Variants in SYNRG observed in about 807,000 individuals in gnomAD.
SYNRG encodes synergin gamma.
SYNRG carries 37 observed loss-of-function variants against 130.9 expected under a neutral mutation model. The ratio of observed to expected loss-of-function variants is 0.28; its 90% CI spans 0.22 to 0.37. The LOEUF (loss-of-function observed/expected upper bound fraction) is 0.37, where lower values mean the gene tolerates loss of function less well. SYNRG is among the 10% of genes least tolerant of loss of function. The pLI is 1.00. For missense variants in SYNRG, 1,338 were observed against 1,588.9 expected (o/e 0.84, Z 2.68); for synonymous variants, 539 against 568.1 (o/e 0.95, Z 0.73).
chr17:37,543,887 T>C (rs1047327847), intron 14 of SYNRG, among the ~76,000 whole-genome samples: 4 of 152,256 alleles, frequency 2.6e-5, no homozygotes, highest in African/African-American at 9.6e-5. Context: ...TCACTGTACA[T>C]GAGGCAAGAA....
chr17:37,540,762 G>GTCAGC, intron 15 of SYNRG: 1 of 734,994 alleles, frequency 1.4e-6, no homozygotes, highest in African/African-American at 1.8e-5. Context: ...AGCCTCCTGA[G>GTCAGC]TAGCTGGGAC....
At chr17:37,601,606 C>A (rs2063291400) in intron 1 of SYNRG, among the ~76,000 whole-genome samples, 1 of 152,166 alleles carries the variant, frequency 6.6e-6, no homozygotes, top group African/African-American at 2.4e-5. Flanking sequence ...AACAATAAGT[C>A]CTCATTTTAG....
At chr17:37,568,729 A>G (rs1180193169) in intron 11 of SYNRG, 62 bp downstream of exon 11, 2 of 1,572,008 alleles carry the variant, frequency 1.3e-6, no homozygotes, top group Non-Finnish European at 1.7e-6. Flanking sequence ...TAGCCTTCCT[A>G]TTATGGATGC....
intron 14 of SYNRG, among the ~76,000 whole-genome samples, chr17:37,543,435 G>T (rs2057962186): frequency 6.6e-6 from 1 of 152,170 alleles, no homozygotes; most frequent in Non-Finnish European, 1.5e-5. Flanking sequence ...ACAGCATAAA[G>T]AATGTAGGTT....
At chr17:37,606,092 G>A in intron 1 of SYNRG, 1 of 864,204 alleles carries the variant, frequency 1.2e-6, no homozygotes, top group Non-Finnish European at 1.4e-6. Flanking sequence ...AATTTCCTTA[G>A]TTTAAACTCA....
intron 6 of SYNRG, among the ~76,000 whole-genome samples, chr17:37,581,257 A>ATTT (rs1305930043): frequency 6.7e-6 from 1 of 149,840 alleles, no homozygotes; most frequent in East Asian, 2.1e-4. Context: ...GCTTCTTCAC[A>ATTT]TTTATTATTA....
intron 11 of SYNRG, among the ~76,000 whole-genome samples, chr17:37,565,902 G>A (rs1365566918): frequency 4.8e-5 from 7 of 147,032 alleles, no homozygotes; most frequent in African/African-American, 1.3e-4. Flanking sequence ...CACCCCGTCC[G>A]GGAGGGAGGT....
intron 14 of SYNRG, among the ~76,000 whole-genome samples, chr17:37,548,278 A>ATCTCTTTCTT (rs2058436797): frequency 6.6e-6 from 1 of 152,222 alleles, no homozygotes; most frequent in South Asian, 2.1e-4. Context: ...CTACACTAAG[A>ATCTCTTTCTT]TCTCTTTCTT....
intron 19 of SYNRG, among the ~76,000 whole-genome samples, chr17:37,530,678 A>C (rs2056536823): frequency 6.6e-6 from 1 of 152,228 alleles, no homozygotes; most frequent in Admixed American, 6.5e-5. Context: ...GAAGACTCTC[A>C]TTCAGACCCC....
intron 19 of SYNRG, among the ~76,000 whole-genome samples, chr17:37,532,883 C>T (rs1196715954): frequency 6.6e-6 from 1 of 152,124 alleles, no homozygotes; most frequent in South Asian, 2.1e-4. Flanking sequence ...TGCACTACTA[C>T]ACCTCCTAGT....
At chr17:37,592,443 C>T (rs1040371564) in intron 3 of SYNRG, among the ~76,000 whole-genome samples, 3 of 152,136 alleles carry the variant, frequency 2.0e-5, no homozygotes, top group African/African-American at 7.2e-5. Flanking sequence ...CACTCTTGGG[C>T]GTTTATCCCA....
chr17:37,525,922 C>T (rs558872072), intron 19 of SYNRG, among the ~76,000 whole-genome samples: 4 of 152,276 alleles, frequency 2.6e-5, no homozygotes, highest in South Asian at 2.1e-4. Context: ...GCCAAGATCG[C>T]GCCATTGCAC....
At chr17:37,540,021 G>A (rs2057596280) in intron 16 of SYNRG, among the ~76,000 whole-genome samples, 3 of 152,178 alleles carry the variant, frequency 2.0e-5, no homozygotes, top group Admixed American at 2.0e-4. Flanking sequence ...CTAAGATGCA[G>A]CAGACAGAAA....
At chr17:37,539,109 T>G in intron 17 of SYNRG, 83 bp downstream of exon 17, 1 of 1,589,320 alleles carries the variant, frequency 6.3e-7, no homozygotes, top group Non-Finnish European at 8.6e-7. Context: ...GAAGTTTGCC[T>G]CTGTCAATTC....
chr17:37,540,721 G>A (rs1027343305), intron 15 of SYNRG, 178 bp from the exon 16 acceptor site: 11 of 756,586 alleles, frequency 1.5e-5, no homozygotes, highest in African/African-American at 6.1e-5. Flanking sequence ...TGCAACCTCC[G>A]CCTCCTGGGT....
rs1317128570 is a variant in SYNRG at position 37,572,003 on chromosome 17, C to T, written c.902-16G>A. 6.3e-7 allele frequency: 1 copy of T among 1,593,392 alleles called. No homozygotes were observed. The highest frequency in any genetic ancestry group is 8.6e-7 in the Non-Finnish European group (1 of 1,168,082). On this transcript the variant is annotated splice_polypyrimidine_tract_variant and intron_variant, in intron 8 of 21. Transcript: ENST00000612223. ...TTATAGGCATCTATTAAAGGAAAGA[C>T]CAGATTACAAATGGAAACACATTCC...
chr17:37,537,559 G>A (rs901549892), intron 18 of SYNRG: 2 of 152,328 alleles, frequency 1.3e-5, no homozygotes, highest in Non-Finnish European at 2.9e-5. Context: ...GCGCCTGGGA[G>A]GTGGACGCTG....
At chr17:37,590,925 G>A (rs931362284) in intron 3 of SYNRG, among the ~76,000 whole-genome samples, 12 of 152,162 alleles carry the variant, frequency 7.9e-5, no homozygotes, top group South Asian at 2.1e-4. Flanking sequence ...AAATACATAC[G>A]AGAACTATAA....
intron 8 of SYNRG, among the ~76,000 whole-genome samples, chr17:37,573,331 A>G (rs1322633312): frequency 6.6e-6 from 1 of 152,136 alleles, no homozygotes; most frequent in East Asian, 1.9e-4. Flanking sequence ...TGAACCCAGG[A>G]GGCAGAGGTT....
Sources: gnomAD v4.1 joint callset for allele counts (sites outside exome capture counted in the v4.1 genomes callset) on GRCh38, gnomAD v4.1.1 for gene constraint, MANE v1.5 for transcripts, NCBI Gene and HGNC (gene_info 2026-07-23, HGNC 2026-07-21) for gene names.